Variants in ETFDH observed in about 807,000 individuals in gnomAD.
ETFDH encodes the protein electron transfer flavoprotein dehydrogenase, also known as electron transfer flavoprotein-ubiquinone oxidoreductase, mitochondrial.
ETFDH carries 61 observed loss-of-function variants against 73.2 expected under a neutral mutation model. The ratio of observed to expected loss-of-function variants is 0.83; its 90% CI spans 0.68 to 1.03. ETFDH has a LOEUF of 1.03. ETFDH is among the 50% of genes least tolerant of loss of function. The pLI, the probability that ETFDH is intolerant of heterozygous loss-of-function variation, is 0.00. For missense variants in ETFDH, 685 were observed against 745.0 expected (o/e 0.92, Z 0.94); for synonymous variants, 243 against 253.3 (o/e 0.96, Z 0.39).
intron 1 of ETFDH, 37 bp from the exon 2 acceptor site, chr4:158,680,425 CTAATT>C: frequency 6.6e-7 from 1 of 1,513,002 alleles, no homozygotes; most frequent in East Asian, 2.3e-5. Flanking sequence ...CTGAGGAAAA[CTAATT>C]TTAAGGAAGA....
intron 5 of ETFDH, among the ~76,000 whole-genome samples, chr4:158,688,904 G>GT (rs1235620726): frequency 6.6e-6 from 1 of 151,886 alleles, no homozygotes; most frequent in Non-Finnish European, 1.5e-5. Context: ...TTTGTTGTTG[G>GT]TTTTTTTGTT....
Position 158,684,597 on chromosome 4 carries a change from A to C in ETFDH, c.411A>C (p.Pro137=), listed in dbSNP as rs1187372386. The C allele has an allele frequency of 6.5e-7, 1 of 1,532,198 alleles. No homozygotes were observed. Among genetic ancestry groups the C allele is most frequent in the East Asian group, 2.2e-5 (1 of 44,474 alleles). The allele number at this position is 1,532,198 out of a possible 1,614,324, so 94.9% of individuals were successfully genotyped here. A position where few individuals can be genotyped will look rare whatever the true frequency, so the allele number is the denominator to read the frequency against. The change falls in exon 4 of 13, where the codon CCA becomes CCC. Residue 137 remains proline (P), a synonymous_variant. Coordinates refer to ENST00000511912, the MANE Select transcript of ETFDH (RefSeq NM_004453.4). ...LFPDWKEKGA[P]LNTPVTEDRF... ...TTTTCTTCTTTTATTTCTAGGCTCC[A>C]CTTAACACTCCTGTAACAGAAGACA...
In ETFDH at chr4:158,684,095, A is replaced by G. The variant is rs190425164; in HGVS notation, c.406-497A>G. ...GGGATGCAAAACTGGCAAGAGGTTT[A>G]TTTAGATTTTTAAAAGATTCCCAGC... On this transcript the variant is annotated intron_variant, in intron 3 of 12. Transcript: ENST00000511912. Among the ~76,000 whole-genome samples the G allele has an allele frequency of 1.7e-4, 26 of 152,252 alleles. No individual in the cohort carries two copies. In the East Asian group the frequency reaches 2.9e-3, roughly 17 times the overall value.
Position 158,697,670 on chromosome 4 carries a change from G to A in ETFDH, c.943G>A (p.Gly315Ser). Residue 315 changes from glycine (G) to serine (S), a missense_variant, in exon 8 of 13, where the codon GGT becomes AGT. Physicochemically the swap from Gly to Ser is moderately conservative, Grantham distance 56. This residue lies in a region of ETFDH where 405 missense variants were observed against 399.3 expected (regional missense o/e 1.01). Coordinates refer to ENST00000511912, the MANE Select transcript of ETFDH (RefSeq NM_004453.4). ...GGSFLYHLNE[G>S]EPLVALGLVV... The stretch of plus-strand genomic sequence containing the variant: ...ATCTTTCCTCTATCATTTGAATGAA[G>A]GTGAACCCCTAGTAGCTCTTGGTCT... 1 of 1,613,774 alleles carries A rather than the reference G, an allele frequency of 6.2e-7. No homozygotes were observed. The highest frequency in any genetic ancestry group is 1.1e-5 in the South Asian group (1 of 91,072).
At position 158,705,931 on chromosome 4, in the gene ETFDH, G is replaced by A. The variant is rs76266747; in HGVS notation, c.1286-258G>A. Among the ~76,000 whole-genome samples, 2,068 of 152,228 alleles carry A rather than the reference G, an allele frequency of 0.014. 45 individuals carry two copies. Among genetic ancestry groups the A allele is most frequent in the African/African-American group, 0.045 (1,862 of 41,532 alleles). On this transcript the variant is annotated intron_variant, in intron 10 of 12. Transcript: ENST00000511912. ...CCCTCTTTCTACCAAAAACACAAAA[G>A]TTAGTAGGGTGTGGTGGCGTGTGCC...
rs903494437 is a variant in ETFDH at position 158,672,378 on chromosome 4, G to T, written c.-79G>T. On this transcript the variant is annotated 5_prime_UTR_variant, in exon 1 of 13. Coordinates refer to ENST00000511912, the MANE Select transcript of ETFDH (RefSeq NM_004453.4). The stretch of plus-strand genomic sequence containing the variant: ...CCGGCAGGTGATGGCGCCCCCCGCG[G>T]CCTAGAGGTCCAGCGCCCGCCGCGA... The T allele has an allele frequency of 3.3e-6, 5 of 1,494,470 alleles. No individual in the cohort carries two copies. In the African/African-American group the frequency reaches 6.9e-5, roughly 21 times the overall value. The allele number at this position is 1,494,470 out of a possible 1,614,324, so 92.6% of individuals were successfully genotyped here. A position where few individuals can be genotyped will look rare whatever the true frequency, so the allele number is the denominator to read the frequency against.
intron 1 of ETFDH, 77 bp downstream of exon 1, chr4:158,672,567 C>T: frequency 1.4e-6 from 2 of 1,380,600 alleles, no homozygotes; most frequent in Non-Finnish European, 1.0e-6. Context: ...GGGCTGTAGG[C>T]ACCTCTCGCC....
chr4:158,705,793 C>T (rs1042124205), intron 10 of ETFDH, among the ~76,000 whole-genome samples: 1 of 152,216 alleles, frequency 6.6e-6, no homozygotes, highest in Non-Finnish European at 1.5e-5. Flanking sequence ...TTAAGATTCA[C>T]TCATCAGCCA....
Position 158,695,433 on chromosome 4 carries a change from G to A in ETFDH, c.685-64G>A, listed in dbSNP as rs572759315. 2.2e-6 allele frequency: 3 copies of A among 1,342,760 alleles called. No individual in the cohort carries two copies. The Admixed American group carries it at 5.2e-5, about 23-fold the overall frequency. The allele number at this position is 1,342,760 out of a possible 1,614,324, so 83.2% of individuals were successfully genotyped here. ...CTGAATCATAGTTCAATTTAAATCT[G>A]ACCAGAATGTGAATGTATTTTAAAT... On this transcript the variant is annotated intron_variant, in intron 6 of 12. Transcript: ENST00000511912.
At chr4:158,695,821 A>G (rs560948372) in intron 7 of ETFDH, among the ~76,000 whole-genome samples, 178 bp downstream of exon 7, 1 of 152,316 alleles carries the variant, frequency 6.6e-6, no homozygotes, top group East Asian at 1.9e-4. Context: ...GATATTACTG[A>G]TCAAATTATA....
At chr4:158,682,119 G>A in intron 2 of ETFDH, 76 bp from the exon 3 acceptor site, 1 of 1,598,912 alleles carries the variant, frequency 6.3e-7, no homozygotes, top group Non-Finnish European at 8.6e-7. Context: ...AAGCACAGTG[G>A]ATATTTTTTA....
At chr4:158,672,816 C>G (rs1019823850) in intron 1 of ETFDH, among the ~76,000 whole-genome samples, 3 of 152,016 alleles carry the variant, frequency 2.0e-5, no homozygotes, top group African/African-American at 7.3e-5. Context: ...TTCTAATCTT[C>G]AAACCTCTGT....
chr4:158,694,383 A>G (rs1488506116), intron 6 of ETFDH, among the ~76,000 whole-genome samples: 1 of 152,158 alleles, frequency 6.6e-6, no homozygotes, highest in African/African-American at 2.4e-5. Flanking sequence ...ATCTGAGGTC[A>G]GGAGTTCGAG....
chr4:158,704,289 G>GT (rs1450104768), intron 10 of ETFDH, among the ~76,000 whole-genome samples: 2 of 152,310 alleles, frequency 1.3e-5, no homozygotes, highest in East Asian at 3.9e-4. Flanking sequence ...AGCAAGCTTT[G>GT]TAAGTATAGG....
In ETFDH at chr4:158,672,371, CCCCGCGGCCTAGAGGTCCAGCG is replaced by C. The variant is rs1773591664; in HGVS notation, c.-80_-59del. On this transcript the variant is annotated 5_prime_UTR_variant, in exon 1 of 13. It removes the in-frame stop codon of an upstream open reading frame in the 5' UTR. Transcript: ENST00000511912. ...TTGCTTTCCGGCAGGTGATGGCGCC[CCCCGCGGCCTAGAGGTCCAGCG>C]CCCGCCGCGAGCAGCGGACAGTCCT... 2.8e-6 allele frequency: 4 copies of C among 1,411,838 alleles called. No homozygotes were observed. Among genetic ancestry groups the C allele is most frequent in the Non-Finnish European group, 4.0e-6 (4 of 996,482 alleles). The allele number at this position is 1,411,838 out of a possible 1,614,324, so 87.5% of individuals were successfully genotyped here.
At chr4:158,701,255 T>C (rs1308389541) in intron 9 of ETFDH, among the ~76,000 whole-genome samples, 2 of 152,240 alleles carry the variant, frequency 1.3e-5, no homozygotes, top group African/African-American at 4.8e-5. Context: ...CACATTCTTC[T>C]GGTTCTTGAA....
chr4:158,708,430 G>A lies in ETFDH; in HGVS notation c.1757G>A (p.Cys586Tyr). 1 of 1,610,802 alleles carries A rather than the reference G, an allele frequency of 6.2e-7. No individual in the cohort carries two copies. The highest frequency in any genetic ancestry group is 8.5e-7 in the Non-Finnish European group (1 of 1,176,948). ...CGGTTACAGATAAATGCTCAGAACT[G>A]TGTACATTGTAAAACATGTGATATT... ...GFRLQINAQNCVHCKTCDIKD... is the reference protein window; with the variant it reads ...GFRLQINAQNYVHCKTCDIKD... Residue 586 changes from cysteine (C) to tyrosine (Y), a missense_variant, in exon 13 of 13, where the codon TGT becomes TAT. Physicochemically the swap from Cys to Tyr is radical, Grantham distance 194 (BLOSUM62 -2). Coordinates refer to ENST00000511912, the MANE Select transcript of ETFDH (RefSeq NM_004453.4).
At chr4:158,691,161 A>G (rs1389543523) in intron 6 of ETFDH, among the ~76,000 whole-genome samples, 9 of 152,254 alleles carry the variant, frequency 5.9e-5, no homozygotes, top group African/African-American at 2.2e-4. Context: ...GAGAATTCAA[A>G]CATATACACA....
chr4:158,682,525 T>A, intron 3 of ETFDH, 101 bp downstream of exon 3: 2 of 900,178 alleles, frequency 2.2e-6, no homozygotes, highest in Admixed American at 5.1e-5. Flanking sequence ...TTCATGTAAC[T>A]CTATCTTTTT....
Sources: allele counts gnomAD v4.1 joint callset (sites outside exome capture counted in the v4.1 genomes callset), GRCh38; gene constraint gnomAD v4.1.1; regional missense constraint gnomAD v4.1.1; transcripts MANE v1.5; gene names NCBI Gene and HGNC (gene_info 2026-07-23, HGNC 2026-07-21).